The following CNTNAP2 variants were observed in gnomAD, a reference collection of about 807,000 sequenced individuals.
CNTNAP2 encodes the protein contactin associated protein 2, also known as contactin-associated protein-like 2.
In CNTNAP2, 98 loss-of-function variants were observed where a neutral mutation model predicts 155.2. That is an observed-to-expected ratio of 0.63 (90% CI 0.54 to 0.75). The LOEUF is 0.75. CNTNAP2 is among the 30% of genes least tolerant of loss of function. CNTNAP2 has a pLI of 0.00. For missense variants in CNTNAP2, 1,727 were observed against 1,688.1 expected, an observed-to-expected ratio of 1.02 and a Z score of -0.40; for synonymous variants, 651 against 631.2, an observed-to-expected ratio of 1.03 and a Z score of -0.47.
At chr7:148,413,401 A>AAAAAATAT (rs1442990213) in intron 23 of CNTNAP2, among the ~76,000 whole-genome samples, 7 of 45,364 alleles carry the variant, frequency 1.5e-4, no homozygotes, top group African/African-American at 7.6e-4. Flanking sequence ...TCAAAAAAAA[A>AAAAAATAT]ATATATATAT....
chr7:148,196,557 G>A (rs576906713), intron 18 of CNTNAP2, among the ~76,000 whole-genome samples: 1 of 152,218 alleles, frequency 6.6e-6, no homozygotes, highest in Admixed American at 6.5e-5. Flanking sequence ...AACAGCTCCC[G>A]GCACTTTCTA....
chr7:146,827,088 T>G (rs1803419787), intron 2 of CNTNAP2, among the ~76,000 whole-genome samples: 2 of 151,928 alleles, frequency 1.3e-5, no homozygotes, highest in South Asian at 4.2e-4. Context: ...GACCCAAGAA[T>G]TTTCCCTCCT....
At chr7:146,704,496 G>T (rs900358176) in intron 1 of CNTNAP2, among the ~76,000 whole-genome samples, 3 of 152,122 alleles carry the variant, frequency 2.0e-5, no homozygotes, top group Admixed American at 6.6e-5. Flanking sequence ...AGTGACTCAC[G>T]CGAAGTCAGG....
chr7:148,379,800 A>G (rs1172257664), intron 21 of CNTNAP2, among the ~76,000 whole-genome samples: 1 of 152,208 alleles, frequency 6.6e-6, no homozygotes, highest in Non-Finnish European at 1.5e-5. Flanking sequence ...ACGAGGCCCC[A>G]AGCACAGCTC....
chr7:147,137,479 G>C (rs192488878), intron 8 of CNTNAP2, among the ~76,000 whole-genome samples: 65 of 151,544 alleles, frequency 4.3e-4, no homozygotes, highest in Non-Finnish European at 6.6e-4. Flanking sequence ...ATTGTTCTCA[G>C]AAGTCAAAAA....
intron 9 of CNTNAP2, among the ~76,000 whole-genome samples, chr7:147,340,657 A>G (rs931314406): frequency 6.6e-6 from 1 of 152,148 alleles, no homozygotes; most frequent in Non-Finnish European, 1.5e-5. Context: ...AAACACTTAT[A>G]TGTCCTAAAA....
intron 13 of CNTNAP2, among the ~76,000 whole-genome samples, chr7:147,850,780 A>C (rs1237417816): frequency 1.3e-5 from 2 of 152,224 alleles, no homozygotes; most frequent in African/African-American, 4.8e-5. Context: ...TTCAAGATGG[A>C]TTAAAGACTT....
intron 9 of CNTNAP2, among the ~76,000 whole-genome samples, chr7:147,305,674 TC>T (rs1795014107): frequency 6.6e-6 from 1 of 152,202 alleles, no homozygotes; most frequent in Non-Finnish European, 1.5e-5. Context: ...ATGTGTCATT[TC>T]AGGAGTGTGC....
At chr7:147,353,694 T>A (rs1796008700) in intron 9 of CNTNAP2, among the ~76,000 whole-genome samples, 1 of 152,134 alleles carries the variant, frequency 6.6e-6, no homozygotes, top group Non-Finnish European at 1.5e-5. Flanking sequence ...ATGGTATTTC[T>A]GGGTCTAGAT....
At chr7:148,411,114 T>C (rs563631316) in intron 23 of CNTNAP2, among the ~76,000 whole-genome samples, 8 of 152,154 alleles carry the variant, frequency 5.3e-5, no homozygotes, top group Non-Finnish European at 1.0e-4. Flanking sequence ...ATAATTTGAC[T>C]CTCCTCGGAT....
At chr7:147,966,707 G>C (rs746262246) in intron 14 of CNTNAP2, among the ~76,000 whole-genome samples, 1 of 152,026 alleles carries the variant, frequency 6.6e-6, no homozygotes, top group African/African-American at 2.4e-5. Flanking sequence ...AGCATATTCC[G>C]TCTGCCCACA....
intron 15 of CNTNAP2, among the ~76,000 whole-genome samples, chr7:148,005,059 T>C (rs960897191): frequency 6.6e-6 from 1 of 152,212 alleles, no homozygotes; most frequent in Non-Finnish European, 1.5e-5. Context: ...TTGCTGTCTT[T>C]GTCATATTGG....
chr7:146,731,636 C>T (rs1801527383), intron 1 of CNTNAP2, among the ~76,000 whole-genome samples: 1 of 151,998 alleles, frequency 6.6e-6, no homozygotes, highest in Admixed American at 6.6e-5. Context: ...TTAGTATCTT[C>T]AGTTGAGGAA....
At chr7:146,801,880 C>G (rs1472636444) in intron 2 of CNTNAP2, among the ~76,000 whole-genome samples, 1 of 151,930 alleles carries the variant, frequency 6.6e-6, no homozygotes. Context: ...TTCTATGGTT[C>G]TAGAATAAAA....
chr7:146,397,871 C>CT (rs1438446898), intron 1 of CNTNAP2, among the ~76,000 whole-genome samples: 16,074 of 124,966 alleles, frequency 0.13, 1,446 homozygotes, highest in African/African-American at 0.28. Flanking sequence ...ATTTGACAGG[C>CT]TTTTATTTAT....
chr7:146,502,006 C>G (rs1797307445), intron 1 of CNTNAP2, among the ~76,000 whole-genome samples: 1 of 151,660 alleles, frequency 6.6e-6, no homozygotes, highest in South Asian at 2.1e-4. Flanking sequence ...CTCTCTTTGC[C>G]CTATCCTTCC....
chr7:147,863,893 T>C (rs9768453), intron 13 of CNTNAP2, among the ~76,000 whole-genome samples: 1 of 151,600 alleles, frequency 6.6e-6, no homozygotes, highest in Non-Finnish European at 1.5e-5. Flanking sequence ...TTCACTCCAA[T>C]GATAGTTTCT....
intron 3 of CNTNAP2, among the ~76,000 whole-genome samples, chr7:146,967,793 C>A (rs1797688059): frequency 6.6e-6 from 1 of 151,948 alleles, no homozygotes; most frequent in South Asian, 2.1e-4. Flanking sequence ...TAATTGAATA[C>A]CCTTTATTTC....
chr7:146,185,494 GAGGAAC>G lies in CNTNAP2; in HGVS notation c.97+68526_97+68531del, dbSNP rs555359996. On this transcript the variant is annotated intron_variant, in intron 1 of 23. Coordinates refer to ENST00000361727, the MANE Select transcript of CNTNAP2 (RefSeq NM_014141.6). ...CACAAATGCTGGCTCTGAATTGAAA[GAGGAAC>G]AGGAGCTAGATGGAACTCTCTGTAA... Among the ~76,000 whole-genome samples, 27 of 152,306 alleles carry G rather than the reference GAGGAAC, an allele frequency of 1.8e-4. No individual in the cohort carries two copies. The East Asian group carries it at 5.2e-3, about 29-fold the overall frequency.
Sources: gnomAD v4.1 joint callset for allele counts (sites outside exome capture counted in the v4.1 genomes callset) on GRCh38, gnomAD v4.1.1 for gene constraint, MANE v1.5 for transcripts, NCBI Gene and HGNC (gene_info 2026-07-23, HGNC 2026-07-21) for gene names.